AKAP6: variants seen among roughly 807,000 people sequenced by gnomAD.
The protein encoded by AKAP6 is A-kinase anchor protein 6.
A neutral mutation model predicts 188.5 loss-of-function variants in AKAP6; 58 were observed. That is an observed-to-expected ratio of 0.31 (90% CI 0.25 to 0.38). AKAP6 has a LOEUF of 0.38. Among genes scored for constraint, AKAP6 ranks in the 10% least tolerant of loss-of-function variants. The pLI is 1.00. For synonymous variants in AKAP6, 989 were observed against 998.6 expected (o/e 0.99, Z 0.18); for missense variants, 2,710 against 2,740.0 (o/e 0.99, Z 0.24).
intron 2 of AKAP6, among the ~76,000 whole-genome samples, chr14:32,471,483 T>C (rs1271604063): frequency 6.6e-6 from 1 of 152,244 alleles, no homozygotes; most frequent in Non-Finnish European, 1.5e-5. Context: ...AGGCTGAACC[T>C]TTTAATAGTT....
intron 1 of AKAP6, among the ~76,000 whole-genome samples, chr14:32,395,700 T>G (rs1457262086): frequency 1.3e-5 from 2 of 152,220 alleles, no homozygotes; most frequent in African/African-American, 2.4e-5. Flanking sequence ...AACTTACACT[T>G]ATTTTTCCCC....
At chr14:32,778,455 A>G (rs557838852) in intron 12 of AKAP6, among the ~76,000 whole-genome samples, 1 of 152,252 alleles carries the variant, frequency 6.6e-6, no homozygotes, top group East Asian at 1.9e-4. Flanking sequence ...GTGAGGTGGT[A>G]TAATATCATT....
At chr14:32,329,650 A>C (rs1325003669) in intron 1 of AKAP6, among the ~76,000 whole-genome samples, 3 of 152,144 alleles carry the variant, frequency 2.0e-5, no homozygotes. Context: ...AAGTGTTCTT[A>C]CAGAATTTTT....
In AKAP6 at chr14:32,830,051, G is replaced by A; in HGVS notation, c.*246G>A. ...GTGATCGTCTTTGAAGTTCAGCAAA[G>A]CTGCTTGTTCTCCCATGGATTCCTG... On this transcript the variant is annotated 3_prime_UTR_variant, in exon 14 of 14. Transcript: ENST00000280979. 1 of 681,194 alleles carries A rather than the reference G, an allele frequency of 1.5e-6. No individual in the cohort carries two copies. Among genetic ancestry groups the A allele is most frequent in the Non-Finnish European group, 2.7e-6 (1 of 372,908 alleles). The allele number at this position is 681,194 out of a possible 1,614,324, so 42.2% of individuals were successfully genotyped here. A position where few individuals can be genotyped will look rare whatever the true frequency, so the allele number is the denominator to read the frequency against.
chr14:32,547,622 ATG>A (rs1052903977), intron 4 of AKAP6, among the ~76,000 whole-genome samples: 1 of 152,162 alleles, frequency 6.6e-6, no homozygotes. Context: ...ATATGACGTA[ATG>A]TTTGAGGACA....
At chr14:32,562,195 A>G (rs1883986483) in intron 4 of AKAP6, among the ~76,000 whole-genome samples, 1 of 151,670 alleles carries the variant, frequency 6.6e-6, no homozygotes, top group African/African-American at 2.4e-5. Flanking sequence ...AGGAAGTTGT[A>G]TTTTCTTTTT....
intron 12 of AKAP6, among the ~76,000 whole-genome samples, chr14:32,774,596 A>G (rs2032997586): frequency 1.3e-5 from 2 of 152,320 alleles, no homozygotes; most frequent in African/African-American, 2.4e-5. Flanking sequence ...GTTTCCTTGT[A>G]ATATACGATG....
chr14:32,504,797 A>T (rs1161436391), intron 2 of AKAP6, among the ~76,000 whole-genome samples: 1 of 152,222 alleles, frequency 6.6e-6, no homozygotes, highest in African/African-American at 2.4e-5. Context: ...CATGGCTGAC[A>T]ACAATAAGAT....
At chr14:32,496,287 T>C (rs893549044) in intron 2 of AKAP6, among the ~76,000 whole-genome samples, 53 of 152,310 alleles carry the variant, frequency 3.5e-4, no homozygotes, top group African/African-American at 1.2e-3. Context: ...TGGTTCTTTT[T>C]TGCATGTCAG....
chr14:32,794,284 G>A (rs1290904080), intron 12 of AKAP6, among the ~76,000 whole-genome samples: 1 of 152,170 alleles, frequency 6.6e-6, no homozygotes, highest in African/African-American at 2.4e-5. Context: ...TTGCTAGCCA[G>A]CTGCAGTGGC....
At chr14:32,649,779 C>A (rs57191883) in intron 7 of AKAP6, among the ~76,000 whole-genome samples, 15,888 of 152,040 alleles carry the variant, frequency 0.1, 1,414 homozygotes, top group East Asian at 0.43. Flanking sequence ...TCCATTTCAT[C>A]AGAATAATAT....
At chr14:32,627,004 T>TC (rs1481051298) in intron 7 of AKAP6, among the ~76,000 whole-genome samples, 1 of 152,162 alleles carries the variant, frequency 6.6e-6, no homozygotes, top group Non-Finnish European at 1.5e-5. Flanking sequence ...CAACTTAATT[T>TC]CCCTACATTT....
chr14:32,508,332 A>G (rs1880979167), intron 2 of AKAP6, among the ~76,000 whole-genome samples: 2 of 152,224 alleles, frequency 1.3e-5, no homozygotes, highest in African/African-American at 2.4e-5. Context: ...CTTGAAGGCT[A>G]TGCTGATAGT....
intron 9 of AKAP6, among the ~76,000 whole-genome samples, chr14:32,701,532 A>G (rs1239384885): frequency 6.6e-6 from 1 of 152,154 alleles, no homozygotes; most frequent in Non-Finnish European, 1.5e-5. Flanking sequence ...ATTTCTAACC[A>G]TAATAATTAT....
intron 2 of AKAP6, among the ~76,000 whole-genome samples, chr14:32,457,070 C>A (rs1891169423): frequency 6.6e-6 from 1 of 152,124 alleles, no homozygotes; most frequent in Non-Finnish European, 1.5e-5. Context: ...TCTCTTATAT[C>A]ATATTAGTCA....
intron 2 of AKAP6, among the ~76,000 whole-genome samples, chr14:32,520,110 T>C (rs1025450755): frequency 6.6e-6 from 1 of 152,046 alleles, no homozygotes; most frequent in Non-Finnish European, 1.5e-5. Context: ...GGTACATAAC[T>C]AAATGAAGGC....
intron 2 of AKAP6, among the ~76,000 whole-genome samples, chr14:32,440,328 C>A (rs1315465576): frequency 3.1e-5 from 4 of 130,010 alleles, no homozygotes; most frequent in East Asian, 2.1e-4. Flanking sequence ...TGGGGCCTGT[C>A]ATGGGGTGGG....
intron 2 of AKAP6, among the ~76,000 whole-genome samples, chr14:32,530,880 T>TAAAAAACAAAAAAC (rs201899691): frequency 6.6e-6 from 1 of 151,652 alleles, no homozygotes; most frequent in African/African-American, 2.4e-5. Context: ...CAACCCAATT[T>TAAAAAACAAAAAAC]AAAAAACAAA....
chr14:32,761,260 C>T (rs1190385197), intron 11 of AKAP6, among the ~76,000 whole-genome samples: 1 of 152,104 alleles, frequency 6.6e-6, no homozygotes, highest in Non-Finnish European at 1.5e-5. Context: ...TTTCCCCATG[C>T]TTGACTCTCT....
Sources: gnomAD v4.1 joint callset for allele counts (sites outside exome capture counted in the v4.1 genomes callset) on GRCh38, gnomAD v4.1.1 for gene constraint, MANE v1.5 for transcripts, NCBI Gene and HGNC (gene_info 2026-07-23, HGNC 2026-07-21) for gene names.